The following PDZD9 variants were observed in gnomAD, a reference collection of about 807,000 sequenced individuals.
PDZD9 encodes the protein PDZ domain containing 9, also known as PDZ domain-containing protein 9.
A neutral mutation model predicts 16.3 loss-of-function variants in PDZD9; 13 were observed. The ratio of observed to expected loss-of-function variants is 0.80; its 90% CI spans 0.52 to 1.27. The LOEUF (loss-of-function observed/expected upper bound fraction) is 1.27. Among genes scored for constraint, PDZD9 ranks in the 50% most tolerant of loss-of-function variants. The pLI, the probability that PDZD9 is intolerant of heterozygous loss-of-function variation, is 0.00. For missense variants in PDZD9, 288 were observed against 310.9 expected, an observed-to-expected ratio of 0.93 and a Z score of 0.55; for synonymous variants, 120 against 111.0, an observed-to-expected ratio of 1.08 and a Z score of -0.51.
chr16:21,976,466 T>C, the PDZD9 span: 4 of 421,924 alleles, frequency 9.5e-6, no homozygotes, highest in East Asian at 4.3e-5. Flanking sequence ...CCAAGGCAGG[T>C]GGTTCATTTG....
the PDZD9 span, chr16:21,958,723 G>A: frequency 1.3e-6 from 1 of 795,866 alleles, no homozygotes; most frequent in South Asian, 1.7e-5. Context: ...AAAGACTGAT[G>A]AATTTGAGTA....
At chr16:21,978,126 G>A in the PDZD9 span, among the ~76,000 whole-genome samples, 1 of 152,156 alleles carries the variant, frequency 6.6e-6, no homozygotes, top group African/African-American at 2.4e-5. Flanking sequence ...TAATGTCAAA[G>A]TATGTTTTCT....
the PDZD9 span, chr16:21,968,754 T>C: frequency 7.0e-7 from 1 of 1,428,574 alleles, no homozygotes; most frequent in Non-Finnish European, 9.5e-7. Context: ...TGTAATTACG[T>C]GAACATAGGA....
intron 2 of PDZD9, chr16:21,995,436 AT>A (rs1370695872): frequency 3.6e-5 from 11 of 306,108 alleles, no homozygotes; most frequent in Non-Finnish European, 7.2e-5. Flanking sequence ...CTGGCCTTGA[AT>A]TCCTGGCATC....
the PDZD9 span, among the ~76,000 whole-genome samples, chr16:21,966,165 T>C: frequency 6.7e-6 from 1 of 150,202 alleles, no homozygotes; most frequent in Non-Finnish European, 1.5e-5. Context: ...AAAAAATATA[T>C]ATATATGTGT....
chr16:21,967,384 C>T, the PDZD9 span, among the ~76,000 whole-genome samples: 165 of 152,068 alleles, frequency 1.1e-3, no homozygotes, highest in African/African-American at 3.6e-3. Flanking sequence ...CTTTTAATAC[C>T]ACAGATAGAG....
downstream of PDZD9, among the ~76,000 whole-genome samples, chr16:21,981,819 G>A (rs528021843): frequency 1.5e-4 from 22 of 151,076 alleles, 1 homozygote; most frequent in African/African-American, 5.1e-4. Context: ...ATTTCACTTC[G>A]CCCCAATCGT....
chr16:21,999,101 A>G (rs1213601170), intron 1 of PDZD9: 1 of 154,356 alleles, frequency 6.5e-6, no homozygotes, highest in East Asian at 1.9e-4. Flanking sequence ...GAGTCAATTA[A>G]TTTCATTAGA....
intron 3 of PDZD9, among the ~76,000 whole-genome samples, chr16:21,987,023 T>C (rs1421134761): frequency 6.6e-6 from 1 of 152,172 alleles, no homozygotes; most frequent in Non-Finnish European, 1.5e-5. Context: ...CTGAACCCCA[T>C]AGAGCATCAT....
downstream of PDZD9, chr16:21,983,618 A>C (rs754117576): frequency 1.7e-5 from 3 of 178,430 alleles, no homozygotes; most frequent in Non-Finnish European, 3.5e-5. Flanking sequence ...CCTTTTTTGC[A>C]ATAAAATTAT....
At chr16:21,988,046 T>G (rs1399993359) in intron 3 of PDZD9, among the ~76,000 whole-genome samples, 5 of 139,064 alleles carry the variant, frequency 3.6e-5, no homozygotes, top group Non-Finnish European at 7.7e-5. Flanking sequence ...TCTCGCTCTA[T>G]CTCCAGGCTG....
At position 21,998,267 on chromosome 16, in the gene PDZD9, G is replaced by A. The variant is rs1008220650; in HGVS notation, c.32-1766C>T. On this transcript the variant is annotated intron_variant, in intron 1 of 3. Transcript: ENST00000424898. ...GGAGCCCACTTTTAAAAGTCAGCAGGGTTAAGTAAAAGAAGCCAGACTCAA... is the reference window on the plus strand; with the variant it reads ...GGAGCCCACTTTTAAAAGTCAGCAGAGTTAAGTAAAAGAAGCCAGACTCAA... 12 of 192,410 alleles carry A rather than the reference G, an allele frequency of 6.2e-5. No individual in the cohort carries two copies. The East Asian group carries it at 1.4e-3, about 23-fold the overall frequency. The allele number at this position is 192,410 out of a possible 1,614,324, so 11.9% of individuals were successfully genotyped here. A position where few individuals can be genotyped will look rare whatever the true frequency, so the allele number is the denominator to read the frequency against.
At chr16:21,996,735 T>C (rs1899161585) in intron 1 of PDZD9, among the ~76,000 whole-genome samples, 1 of 152,188 alleles carries the variant, frequency 6.6e-6, no homozygotes, top group Non-Finnish European at 1.5e-5. Context: ...TAATCAATAT[T>C]AGTTAGTATT....
intron 1 of PDZD9, among the ~76,000 whole-genome samples, chr16:22,000,784 A>G (rs1396935697): frequency 6.6e-6 from 1 of 151,726 alleles, no homozygotes; most frequent in Non-Finnish European, 1.5e-5. Flanking sequence ...AGATCGCGCC[A>G]CTGCACTCCA....
chr16:21,962,244 G>C, the PDZD9 span: 107 of 565,380 alleles, frequency 1.9e-4, no homozygotes, highest in Non-Finnish European at 3.0e-4. Flanking sequence ...TGTAACATGT[G>C]ACCAGATTTC....
chr16:22,000,873 G>A (rs369763237), intron 1 of PDZD9, 144 bp downstream of exon 1: 15 of 630,658 alleles, frequency 2.4e-5, no homozygotes, highest in South Asian at 3.8e-5. Context: ...TGATGATGAT[G>A]ATAATGATGA....
chr16:21,982,002 G>A (rs550087184), downstream of PDZD9, among the ~76,000 whole-genome samples: 6 of 151,372 alleles, frequency 4.0e-5, no homozygotes, highest in South Asian at 6.3e-4. Flanking sequence ...CACCACGGCC[G>A]GCTAATTTTT....
the PDZD9 span, among the ~76,000 whole-genome samples, chr16:21,971,251 A>T: frequency 6.6e-6 from 1 of 152,338 alleles, no homozygotes; most frequent in East Asian, 1.9e-4. Context: ...AAACAATATC[A>T]ATAGAATGAT....
chr16:21,975,587 T>C, the PDZD9 span, among the ~76,000 whole-genome samples: 1 of 152,226 alleles, frequency 6.6e-6, no homozygotes, highest in African/African-American at 2.4e-5. Context: ...CCCGGAACTT[T>C]ATTCTTTCTT....
Sources: gnomAD v4.1 joint callset for allele counts (sites outside exome capture counted in the v4.1 genomes callset) on GRCh38, gnomAD v4.1.1 for gene constraint, MANE v1.5 for transcripts, NCBI Gene and HGNC (gene_info 2026-07-23, HGNC 2026-07-21) for gene names.